Variants in ROR1 observed in about 807,000 individuals in gnomAD.
ROR1 encodes inactive tyrosine-protein kinase transmembrane receptor ROR1.
ROR1 carries 19 observed loss-of-function variants against 78.8 expected under a neutral mutation model. That is an observed-to-expected ratio of 0.24 (90% CI 0.17 to 0.35). The LOEUF (loss-of-function observed/expected upper bound fraction) is 0.35, where lower values mean the gene tolerates loss of function less well. ROR1 is among the 10% of genes least tolerant of loss of function. The pLI is 1.00. For missense variants in ROR1, 917 were observed against 1,177.8 expected, an observed-to-expected ratio of 0.78 and a Z score of 3.24; for synonymous variants, 386 against 433.6, an observed-to-expected ratio of 0.89 and a Z score of 1.36.
At position 63,860,910 on chromosome 1, in the gene ROR1, C is replaced by T. The variant is rs144874177; in HGVS notation, c.91+86402C>T. Among the ~76,000 whole-genome samples, 772 of 152,150 alleles carry T rather than the reference C, an allele frequency of 5.1e-3. 6 individuals are homozygous for T. Among genetic ancestry groups the T allele is most frequent in the African/African-American group, 0.018 (742 of 41,520 alleles). ...TGACAAATCAGTTATGTGGCCATCC[C>T]TTATAACAATGATGAACAGATAGGA... On this transcript the variant is annotated intron_variant, in intron 1 of 8. Transcript: ENST00000371079.
intron 4 of ROR1, among the ~76,000 whole-genome samples, chr1:64,051,999 A>C (rs1646837024): frequency 6.6e-6 from 1 of 152,262 alleles, no homozygotes; most frequent in Non-Finnish European, 1.5e-5. Flanking sequence ...ATGGGTAAAA[A>C]TAAACATTGG....
chr1:64,127,419 GTC>G (rs1557664847), intron 4 of ROR1, among the ~76,000 whole-genome samples: 1 of 151,672 alleles, frequency 6.6e-6, no homozygotes, highest in Non-Finnish European at 1.5e-5. Context: ...CTCTTTCTCT[GTC>G]TCTCTCTGTC....
At chr1:64,107,172 A>G (rs993099770) in intron 4 of ROR1, 2 of 152,206 alleles carry the variant, frequency 1.3e-5, no homozygotes, top group Admixed American at 6.5e-5. Flanking sequence ...TACACGTATT[A>G]TCTCATTTAA....
At chr1:64,169,268 T>G (rs983928197) in intron 8 of ROR1, among the ~76,000 whole-genome samples, 1 of 152,130 alleles carries the variant, frequency 6.6e-6, no homozygotes, top group African/African-American at 2.4e-5. Flanking sequence ...AAGACATACC[T>G]GAGAATGGAA....
intron 1 of ROR1, among the ~76,000 whole-genome samples, chr1:63,928,230 C>A (rs538375260): frequency 7.4e-4 from 113 of 152,210 alleles, no homozygotes; most frequent in African/African-American, 2.7e-3. Context: ...TAGGAAAGCT[C>A]CAACTGCAAT....
At chr1:64,050,523 ATAGAGATGGTTGG>A (rs1553154121) in intron 3 of ROR1, among the ~76,000 whole-genome samples, 150 bp from the exon 4 acceptor site, 2 of 145,780 alleles carry the variant, frequency 1.4e-5, no homozygotes, top group Non-Finnish European at 3.0e-5. Context: ...TTTTTTTTTC[ATAGAGATGGTTGG>A]GGGAATAGAG....
intron 4 of ROR1, among the ~76,000 whole-genome samples, chr1:64,058,331 C>T (rs1349297517): frequency 6.6e-6 from 1 of 151,486 alleles, no homozygotes; most frequent in African/African-American, 2.4e-5. Flanking sequence ...ATTTTTCTTG[C>T]TTTATTGCCC....
chr1:64,154,589 G>C (rs79673931), intron 7 of ROR1, among the ~76,000 whole-genome samples: 4,322 of 152,236 alleles, frequency 0.028, 196 homozygotes, highest in African/African-American at 0.098. Flanking sequence ...TTCAGGGAAA[G>C]AAAGGAGTAT....
At chr1:64,065,963 A>G (rs1303353016) in intron 4 of ROR1, among the ~76,000 whole-genome samples, 1 of 152,220 alleles carries the variant, frequency 6.6e-6, no homozygotes, top group Non-Finnish European at 1.5e-5. Context: ...GTAAGTCAGG[A>G]ACCCACTCCT....
At chr1:64,088,099 A>G (rs1416595400) in intron 4 of ROR1, among the ~76,000 whole-genome samples, 2 of 152,238 alleles carry the variant, frequency 1.3e-5, no homozygotes, top group Admixed American at 6.5e-5. Context: ...GTTAAAATTC[A>G]TGATCTTTTT....
At chr1:64,039,377 CCCCAGAG>C (rs1399006464) in intron 2 of ROR1, among the ~76,000 whole-genome samples, 5 of 152,098 alleles carry the variant, frequency 3.3e-5, no homozygotes, top group Admixed American at 3.3e-4. Context: ...CTTTATGGAT[CCCCAGAG>C]GAATAGAAAT....
chr1:63,820,851 G>C (rs1460627274), intron 1 of ROR1, among the ~76,000 whole-genome samples: 1 of 152,164 alleles, frequency 6.6e-6, no homozygotes, highest in African/African-American at 2.4e-5. Context: ...ATGAGGAATG[G>C]AGAAGTTCAA....
chr1:63,840,815 C>T (rs1366857634), intron 1 of ROR1, among the ~76,000 whole-genome samples: 3 of 152,134 alleles, frequency 2.0e-5, no homozygotes, highest in East Asian at 3.9e-4. Context: ...GAGTAAGTTA[C>T]TTGACTTGTC....
intron 4 of ROR1, among the ~76,000 whole-genome samples, chr1:64,088,224 T>C (rs1157675601): frequency 1.3e-5 from 2 of 152,228 alleles, no homozygotes; most frequent in African/African-American, 4.8e-5. Context: ...AAGGAAGATC[T>C]ATAATTATAC....
chr1:63,853,345 A>G (rs759153446), intron 1 of ROR1, among the ~76,000 whole-genome samples: 5 of 152,212 alleles, frequency 3.3e-5, no homozygotes, highest in Non-Finnish European at 5.9e-5. Flanking sequence ...CTGAGAGGTT[A>G]AGTATTCTGC....
At chr1:64,067,710 C>CTTTTTTTTTTTTTTTTTTTTTTTT (rs986756579) in intron 4 of ROR1, among the ~76,000 whole-genome samples, 3 of 105,644 alleles carry the variant, frequency 2.8e-5, no homozygotes, top group African/African-American at 8.5e-5. Flanking sequence ...TAAATAAATT[C>CTTTTTTTTTTTTTTTTTTTTTTTT]TTTTTTTTTT....
chr1:63,845,199 A>C (rs1482796742), intron 1 of ROR1, among the ~76,000 whole-genome samples: 1 of 152,132 alleles, frequency 6.6e-6, no homozygotes, highest in East Asian at 1.9e-4. Flanking sequence ...TTCTCCATAT[A>C]TGTGTTAAGA....
At chr1:64,021,944 C>T (rs1646568387) in intron 2 of ROR1, among the ~76,000 whole-genome samples, 1 of 152,148 alleles carries the variant, frequency 6.6e-6, no homozygotes, top group Admixed American at 6.5e-5. Context: ...CAGGTACGCA[C>T]ATATTCATAG....
chr1:63,846,316 C>G (rs1230977369), intron 1 of ROR1, among the ~76,000 whole-genome samples: 1 of 152,108 alleles, frequency 6.6e-6, no homozygotes, highest in Admixed American at 6.6e-5. Flanking sequence ...TAATTCTTGT[C>G]AATTTTCCCT....
Sources: gnomAD v4.1 joint callset for allele counts (sites outside exome capture counted in the v4.1 genomes callset) on GRCh38, gnomAD v4.1.1 for gene constraint, MANE v1.5 for transcripts, NCBI Gene and HGNC (gene_info 2026-07-23, HGNC 2026-07-21) for gene names.